The following CREBBP variants were observed in gnomAD, a reference collection of about 807,000 sequenced individuals.
CREBBP encodes the protein CREB binding lysine acetyltransferase, also known as CREB-binding protein.
In CREBBP, 19 loss-of-function variants were observed where a neutral mutation model predicts 265.0. The ratio of observed to expected loss-of-function variants is 0.07; its 90% confidence interval spans 0.05 to 0.11. CREBBP has a LOEUF of 0.11. Among genes scored for constraint, CREBBP ranks in the 10% least tolerant of loss-of-function variants. The probability of loss-of-function intolerance (pLI) is 1.00; values close to 1 mark genes in which losing one functional copy is unlikely to be tolerated. For missense variants in CREBBP, 2,525 were observed against 3,219.0 expected (o/e 0.78, Z 5.22); for synonymous variants, 1,457 against 1,223.7 (o/e 1.19, Z -3.98).
At chr16:3,803,054 G>C (rs967808268) in intron 3 of CREBBP, among the ~76,000 whole-genome samples, 2 of 152,048 alleles carry the variant, frequency 1.3e-5, no homozygotes, top group Non-Finnish European at 2.9e-5. Context: ...CTGGGAAGAA[G>C]CGATAATCAC....
chr16:3,797,809 T>C (rs1280941141), intron 3 of CREBBP, among the ~76,000 whole-genome samples: 1 of 151,712 alleles, frequency 6.6e-6, no homozygotes, highest in Non-Finnish European at 1.5e-5. Context: ...CTAAAGTGAA[T>C]AAAAATGGCT....
chr16:3,766,934 C>T (rs2052868111), intron 16 of CREBBP, among the ~76,000 whole-genome samples: 2 of 152,164 alleles, frequency 1.3e-5, no homozygotes, highest in African/African-American at 4.8e-5. Context: ...ATTCACTGTA[C>T]TCCACACTCT....
At chr16:3,790,531 C>T (rs1009626553) in intron 5 of CREBBP, among the ~76,000 whole-genome samples, 15 of 152,196 alleles carry the variant, frequency 9.9e-5, no homozygotes, top group African/African-American at 2.9e-4. Context: ...TGCGCCACCA[C>T]GCCCGGCTAA....
chr16:3,742,905 G>A (rs2052251815), intron 23 of CREBBP: 2 of 152,194 alleles, frequency 1.3e-5, no homozygotes, highest in Admixed American at 6.5e-5. Context: ...GACCTGCTCT[G>A]GGGCCACTTG....
At chr16:3,769,412 C>A (rs964735332) in intron 14 of CREBBP, 59 bp from the exon 15 acceptor site, 2 of 1,593,044 alleles carry the variant, frequency 1.3e-6, no homozygotes, top group Admixed American at 3.3e-5. Context: ...TGATCTTCAA[C>A]TATGCTGCTC....
intron 2 of CREBBP, among the ~76,000 whole-genome samples, chr16:3,848,112 G>C (rs1405179487): frequency 6.6e-6 from 1 of 151,762 alleles, no homozygotes; most frequent in Non-Finnish European, 1.5e-5. Context: ...GGAGGTTGCA[G>C]TGAGCCCAGA....
At chr16:3,769,505 A>G in intron 14 of CREBBP, 152 bp from the exon 15 acceptor site, 1 of 923,332 alleles carries the variant, frequency 1.1e-6, no homozygotes, top group East Asian at 2.6e-5. Flanking sequence ...CAGGGGTTAA[A>G]GTAGGAATGA....
chr16:3,751,830 G>C, intron 19 of CREBBP, 24 bp from the exon 20 acceptor site: 1 of 1,611,442 alleles, frequency 6.2e-7, no homozygotes. Context: ...GGCCATACTT[G>C]GGTGAACTGG....
chr16:3,782,961 G>C (rs1044129230), intron 5 of CREBBP, 35 bp from the exon 6 acceptor site: 12 of 1,613,828 alleles, frequency 7.4e-6, no homozygotes, highest in Non-Finnish European at 1.0e-5. Context: ...ACAAAAACGA[G>C]AGGTAAGTAA....
chr16:3,773,604 G>T, intron 13 of CREBBP, 147 bp downstream of exon 13: 1 of 836,116 alleles, frequency 1.2e-6, no homozygotes, highest in South Asian at 1.7e-5. Context: ...GGACAAAGGT[G>T]GAGAAAACAA....
intron 2 of CREBBP, among the ~76,000 whole-genome samples, chr16:3,847,479 C>G (rs556631794): frequency 6.6e-6 from 1 of 152,114 alleles, no homozygotes; most frequent in Admixed American, 6.6e-5. Context: ...TTCATTCCAC[C>G]CAAAGGCAAC....
intron 16 of CREBBP, among the ~76,000 whole-genome samples, chr16:3,759,543 C>T (rs779531562): frequency 1.4e-5 from 2 of 146,888 alleles, no homozygotes; most frequent in African/African-American, 5.4e-5. Flanking sequence ...GCCGAGATTG[C>T]GCCACTGCAC....
intron 2 of CREBBP, among the ~76,000 whole-genome samples, chr16:3,842,822 C>T (rs2054589405): frequency 2.0e-5 from 3 of 151,678 alleles, no homozygotes; most frequent in Middle Eastern, 3.2e-3. Flanking sequence ...AAAAATTAGC[C>T]GGGCGTGGTG....
intron 21 of CREBBP, among the ~76,000 whole-genome samples, chr16:3,746,600 G>A (rs969748946): frequency 3.9e-5 from 6 of 152,072 alleles, no homozygotes; most frequent in African/African-American, 4.8e-5. Context: ...GTCTCCAAAG[G>A]TCCCCTGCTC....
At chr16:3,801,484 C>T (rs989616769) in intron 3 of CREBBP, among the ~76,000 whole-genome samples, 7 of 152,154 alleles carry the variant, frequency 4.6e-5, no homozygotes, top group African/African-American at 1.4e-4. Context: ...GCCTAACTAA[C>T]ATGGTGAAAC....
chr16:3,763,233 G>A (rs2052765784), intron 16 of CREBBP, among the ~76,000 whole-genome samples: 1 of 150,700 alleles, frequency 6.6e-6, no homozygotes, highest in African/African-American at 2.4e-5. Context: ...CCCACTGCAT[G>A]CAAACTTGAC....
chr16:3,778,471 C>T (rs1294525427), intron 9 of CREBBP, among the ~76,000 whole-genome samples: 4 of 152,072 alleles, frequency 2.6e-5, no homozygotes, highest in African/African-American at 7.2e-5. Context: ...AAAATATATC[C>T]CATGGATATA....
chr16:3,823,579 C>T (rs1281339362), intron 2 of CREBBP, among the ~76,000 whole-genome samples: 1 of 152,130 alleles, frequency 6.6e-6, no homozygotes, highest in African/African-American at 2.4e-5. Context: ...AAAAGCCAGG[C>T]GTGGCTCTAA....
chr16:3,735,940 C>T (rs2052045972), intron 28 of CREBBP, 96 bp downstream of exon 28: 3 of 1,604,744 alleles, frequency 1.9e-6, no homozygotes, highest in South Asian at 1.1e-5. Context: ...GACACCACCA[C>T]AGGAAGGACC....
Sources: gnomAD v4.1 joint callset for allele counts (sites outside exome capture counted in the v4.1 genomes callset) on GRCh38, gnomAD v4.1.1 for gene constraint, MANE v1.5 for transcripts, NCBI Gene and HGNC (gene_info 2026-07-23, HGNC 2026-07-21) for gene names.